PCDHGA4: variants seen among roughly 807,000 people sequenced by gnomAD.
The protein encoded by PCDHGA4 is protocadherin gamma subfamily A, 4, also known as protocadherin gamma-A4.
A neutral mutation model predicts 54.6 loss-of-function variants in PCDHGA4; 38 were observed. The observed-to-expected ratio is 0.70, with a 90% CI of 0.54 to 0.91. The LOEUF (loss-of-function observed/expected upper bound fraction) is 0.91. Ranked by LOEUF, PCDHGA4 falls within the 40% of genes least tolerant of loss-of-function variation. The probability of loss-of-function intolerance (pLI) is 0.00; values close to 1 mark genes in which losing one functional copy is unlikely to be tolerated. For synonymous variants in PCDHGA4, 511 were observed against 512.9 expected (o/e 1.00, Z 0.05); for missense variants, 1,298 against 1,220.9 (o/e 1.06, Z -0.94).
At position 141,486,827 on chromosome 5, in the gene PCDHGA4, C is replaced by G. The variant is rs758132181; in HGVS notation, c.2515-7980C>G. 1.2e-6 allele frequency: 2 copies of G among 1,614,228 alleles called. No homozygotes were observed. Among genetic ancestry groups the G allele is most frequent in the Admixed American group, 1.7e-5 (1 of 60,034 alleles). On this transcript the variant is annotated intron_variant, in intron 1 of 3. Transcript: ENST00000571252. This position sits in a 1 kb window ranked among gnomAD's most constrained non-coding sequence, Gnocchi z 5.0. ...ACCCCTTAGCAGCACTGTAACAGTTCGTCTATTTGTGCTGGACCTCAATGA... is the reference window on the plus strand; with the variant it reads ...ACCCCTTAGCAGCACTGTAACAGTTGGTCTATTTGTGCTGGACCTCAATGA...
At chr5:141,453,370 G>A (rs969698165) in intron 1 of PCDHGA4, among the ~76,000 whole-genome samples, 1 of 152,046 alleles carries the variant, frequency 6.6e-6, no homozygotes, top group Non-Finnish European at 1.5e-5. Context: ...CTGGGGTCAA[G>A]TGATCCTCCT....
intron 1 of PCDHGA4, chr5:141,395,193 T>C (rs748986857): frequency 1.2e-6 from 2 of 1,614,024 alleles, no homozygotes; most frequent in South Asian, 1.1e-5. Flanking sequence ...TTTGTTAACA[T>C]CCGTAGATTT....
intron 1 of PCDHGA4, chr5:141,414,279 A>G (rs1369675815): frequency 1.9e-6 from 3 of 1,613,350 alleles, no homozygotes; most frequent in Admixed American, 3.3e-5. Context: ...CTCTGGGAAC[A>G]GTCGTAGCCC....
At chr5:141,481,739 G>A (rs1034725934) in intron 1 of PCDHGA4, among the ~76,000 whole-genome samples, 1 of 152,082 alleles carries the variant, frequency 6.6e-6, no homozygotes, top group Non-Finnish European at 1.5e-5. Flanking sequence ...GGATCACGAG[G>A]TCAGGAGTCC....
At chr5:141,374,341 C>T (rs1770393782) in intron 1 of PCDHGA4, 4 of 1,613,988 alleles carry the variant, frequency 2.5e-6, no homozygotes, top group Non-Finnish European at 3.4e-6. Flanking sequence ...GCTTGGTCAC[C>T]GCGGGTAGGA....
At chr5:141,383,034 G>A in intron 1 of PCDHGA4, 2 of 1,613,860 alleles carry the variant, frequency 1.2e-6, no homozygotes. Context: ...GGTCCTTTGT[G>A]GGAGACATCG....
In PCDHGA4 at chr5:141,418,400, G is replaced by C; in HGVS notation, c.2514+60779G>C. ...AAGTCCTAACGAGTATTTCTCATTGGTGGAGAAAGACAATCCTGATGGTGG... is the reference window on the plus strand; with the variant it reads ...AAGTCCTAACGAGTATTTCTCATTGCTGGAGAAAGACAATCCTGATGGTGG... On this transcript the variant is annotated intron_variant, in intron 1 of 3. Coordinates refer to ENST00000571252, the MANE Select transcript of PCDHGA4 (RefSeq NM_018917.4). The C allele has an allele frequency of 6.2e-7, 1 of 1,613,900 alleles. No homozygotes were observed. The highest frequency in any genetic ancestry group is 8.5e-7 in the Non-Finnish European group (1 of 1,179,794).
rs745612694 is a variant in PCDHGA4, at chr5:141,357,072, C to G, written c.1965C>G (p.Gly655=). Residue 655 remains glycine (G), a synonymous_variant, in exon 1 of 4, where the codon GGC becomes GGG. Coordinates refer to ENST00000571252, the MANE Select transcript of PCDHGA4 (RefSeq NM_018917.4). The part of the protein sequence containing the change: ...PGLFAVGLHT[G]EVRTARALLD... ...TATTTGCAGTGGGGCTGCACACAGG[C>G]GAGGTGCGCACCGCACGGGCCCTGC... 1 of 1,613,960 alleles carries G rather than the reference C, an allele frequency of 6.2e-7. No homozygotes were observed. The highest frequency in any genetic ancestry group is 1.7e-5 in the Admixed American group (1 of 60,032).
chr5:141,367,702 CTTAAGG>C (rs1765297530), intron 1 of PCDHGA4: 1 of 151,984 alleles, frequency 6.6e-6, no homozygotes, highest in Admixed American at 6.6e-5. Flanking sequence ...GTAAAGGAAC[CTTAAGG>C]TTGGGCTTCG....
chr5:141,382,462 T>C (rs1481999551), intron 1 of PCDHGA4, among the ~76,000 whole-genome samples: 24 of 152,240 alleles, frequency 1.6e-4, no homozygotes, highest in Admixed American at 1.6e-3. Flanking sequence ...AGCAGTTTTT[T>C]AAAAATTATC....
intron 1 of PCDHGA4, among the ~76,000 whole-genome samples, chr5:141,405,806 C>T (rs2094720612): frequency 6.8e-6 from 1 of 146,048 alleles, no homozygotes. Context: ...TTAGCTTTCT[C>T]TTTAACTGTC....
At chr5:141,421,529 C>T in intron 1 of PCDHGA4, 1 of 1,614,020 alleles carries the variant, frequency 6.2e-7, no homozygotes, top group Non-Finnish European at 8.5e-7. Flanking sequence ...GAGACGGTGT[C>T]CTCCTGTTTT....
intron 1 of PCDHGA4, among the ~76,000 whole-genome samples, chr5:141,442,609 TA>T (rs1238913928): frequency 6.6e-6 from 1 of 152,112 alleles, no homozygotes; most frequent in African/African-American, 2.4e-5. Flanking sequence ...GAGATCTCAG[TA>T]AAAAGCATTT....
At position 141,431,423 on chromosome 5, in the gene PCDHGA4, C is replaced by T; in HGVS notation, c.2515-63384C>T. The T allele has an allele frequency of 3.1e-6, 5 of 1,613,670 alleles. No individual in the cohort carries two copies. Among genetic ancestry groups the T allele is most frequent in the Non-Finnish European group, 4.2e-6 (5 of 1,180,030 alleles). ...GGCCTCCGACGGGGGCGACCCGGTG[C>T]GCACAGGCACCGCGCGCATCCGCGT... On this transcript the variant is annotated intron_variant, in intron 1 of 3. Coordinates refer to ENST00000571252, the MANE Select transcript of PCDHGA4 (RefSeq NM_018917.4). This position sits in a 1 kb window ranked among gnomAD's most constrained non-coding sequence, Gnocchi z 4.8.
intron 1 of PCDHGA4, among the ~76,000 whole-genome samples, chr5:141,459,334 A>G (rs987526492): frequency 5.9e-5 from 9 of 152,116 alleles, no homozygotes; most frequent in Admixed American, 1.3e-4. Flanking sequence ...TTTTACTCCA[A>G]AGTTCTTGAA....
intron 1 of PCDHGA4, chr5:141,408,371 A>C (rs2095092452): frequency 6.2e-7 from 1 of 1,613,848 alleles, no homozygotes; most frequent in Non-Finnish European, 8.5e-7. Flanking sequence ...TCTAGGGCTC[A>C]GTGTCCTGGA....
intron 1 of PCDHGA4, among the ~76,000 whole-genome samples, chr5:141,358,371 C>T (rs1760899906): frequency 6.6e-6 from 1 of 152,170 alleles, no homozygotes; most frequent in Admixed American, 6.5e-5. Context: ...CCTATTTTCA[C>T]ACTCTACCAT....
chr5:141,465,858 C>T (rs2099110865), intron 1 of PCDHGA4, among the ~76,000 whole-genome samples: 1 of 152,034 alleles, frequency 6.6e-6, no homozygotes, highest in African/African-American at 2.4e-5. Context: ...CCCAGTGGCT[C>T]ATGCCTGTAA....
intron 1 of PCDHGA4, chr5:141,413,757 G>C (rs2095674818): frequency 1.2e-6 from 2 of 1,612,920 alleles, no homozygotes; most frequent in African/African-American, 2.7e-5. Flanking sequence ...ATGGCGTCAA[G>C]TACCCGGAGC....
Sources: gnomAD v4.1 joint callset for allele counts (sites outside exome capture counted in the v4.1 genomes callset) on GRCh38, gnomAD v4.1.1 for gene constraint, Gnocchi (gnomAD v3.1) non-coding constraint, MANE v1.5 for transcripts, NCBI Gene and HGNC (gene_info 2026-07-23, HGNC 2026-07-21) for gene names.